PDE3A: variants seen among roughly 807,000 people sequenced by gnomAD.
PDE3A encodes the protein cGMP-inhibited 3',5'-cyclic phosphodiesterase 3A.
In PDE3A, 43 loss-of-function variants were observed where a neutral mutation model predicts 98.3. The observed-to-expected ratio is 0.44, with a 90% CI of 0.34 to 0.56. PDE3A has a LOEUF of 0.56. Ranked by LOEUF, PDE3A falls within the 20% of genes least tolerant of loss-of-function variation. The pLI is 0.01. For synonymous variants in PDE3A, 663 were observed against 567.9 expected, an observed-to-expected ratio of 1.17 and a Z score of -2.38; for missense variants, 1,427 against 1,440.7, an observed-to-expected ratio of 0.99 and a Z score of 0.15.
At chr12:20,424,348 C>T (rs75672050) in intron 1 of PDE3A, among the ~76,000 whole-genome samples, 1 of 152,048 alleles carries the variant, frequency 6.6e-6, no homozygotes. Flanking sequence ...TTCTTTACCT[C>T]CCCACTGCCC....
Position 20,629,953 on chromosome 12 carries a change from C to G in PDE3A, c.1586C>G (p.Pro529Arg), listed in dbSNP as rs763538249. ...CCTCTTTCATCGCCCTGCTCCTCAC[C>G]TCTCCAAGGGACTCCTGCCAGCAGC... ...ISPLSSPCSS[P>R]LQGTPASSLV... Residue 529 changes from proline to arginine, a missense_variant, in exon 6 of 16, where the codon CCT becomes CGT. Physicochemically the swap from Pro to Arg is moderately radical, Grantham distance 103. This residue lies in a region of PDE3A where 1,012 missense variants were observed against 886.5 expected (regional missense o/e 1.14). Transcript: ENST00000359062. 5 of 1,613,910 alleles carry G rather than the reference C, an allele frequency of 3.1e-6. No homozygotes were observed. Among genetic ancestry groups the G allele is most frequent in the African/African-American group, 1.3e-5 (1 of 74,904 alleles).
chr12:20,648,625 T>A, intron 12 of PDE3A, 63 bp from the exon 13 acceptor site: 1 of 1,033,350 alleles, frequency 9.7e-7, no homozygotes. Context: ...GCATTGCATA[T>A]TCTCATGATT....
intron 1 of PDE3A, among the ~76,000 whole-genome samples, chr12:20,402,259 C>A (rs1417121523): frequency 6.6e-6 from 1 of 152,174 alleles, no homozygotes; most frequent in Non-Finnish European, 1.5e-5. Flanking sequence ...AGCAATTCTC[C>A]TGGCTCAGCC....
At chr12:20,457,418 G>C (rs555082477) in intron 1 of PDE3A, among the ~76,000 whole-genome samples, 8 of 151,448 alleles carry the variant, frequency 5.3e-5, no homozygotes, top group African/African-American at 1.9e-4. Context: ...GAAACAAGGC[G>C]TATATGAAAT....
chr12:20,633,368 A>G (rs1944425590), intron 6 of PDE3A, among the ~76,000 whole-genome samples: 1 of 152,178 alleles, frequency 6.6e-6, no homozygotes, highest in Non-Finnish European at 1.5e-5. Context: ...AGTAGGTAGC[A>G]GCCTATACCA....
At chr12:20,650,247 AT>A (rs1306132672) in intron 13 of PDE3A, among the ~76,000 whole-genome samples, 197 bp from the exon 14 acceptor site, 89 of 82,468 alleles carry the variant, frequency 1.1e-3, no homozygotes, top group Non-Finnish European at 1.7e-3. Flanking sequence ...ATAATTCGTT[AT>A]TTTACTTTTT....
At chr12:20,445,483 C>A (rs1242207709) in intron 1 of PDE3A, among the ~76,000 whole-genome samples, 2 of 152,014 alleles carry the variant, frequency 1.3e-5, no homozygotes, top group South Asian at 4.1e-4. Context: ...AAATGGATAT[C>A]GATTATTGCT....
intron 1 of PDE3A, among the ~76,000 whole-genome samples, chr12:20,525,472 G>A (rs966584269): frequency 1.4e-5 from 2 of 147,700 alleles, no homozygotes; most frequent in Admixed American, 6.8e-5. Flanking sequence ...TTGGTTGGGG[G>A]GGGGGGCTTT....
At chr12:20,663,856 ATAT>A (rs1285833776) in intron 15 of PDE3A, among the ~76,000 whole-genome samples, 1 of 152,050 alleles carries the variant, frequency 6.6e-6, no homozygotes, top group African/African-American at 2.4e-5. Context: ...AAATGTGAGG[ATAT>A]TAGTTTTGGG....
intron 6 of PDE3A, among the ~76,000 whole-genome samples, chr12:20,632,949 C>CTTTTT (rs5796876): frequency 1.1e-4 from 11 of 102,110 alleles, no homozygotes; most frequent in African/African-American, 2.0e-4. Flanking sequence ...AATAATGAGG[C>CTTTTT]TTTTTTTTTT....
intron 1 of PDE3A, among the ~76,000 whole-genome samples, chr12:20,422,134 C>G (rs1003893790): frequency 2.0e-5 from 3 of 152,114 alleles, no homozygotes; most frequent in African/African-American, 7.2e-5. Flanking sequence ...ATCACTAGGT[C>G]AGGAGATCGA....
chr12:20,516,073 G>C (rs542051249), intron 1 of PDE3A, among the ~76,000 whole-genome samples: 25 of 151,346 alleles, frequency 1.7e-4, no homozygotes, highest in African/African-American at 5.8e-4. Flanking sequence ...AGTATTCTCT[G>C]GGCAGGAGGC....
chr12:20,413,797 A>G lies in PDE3A; in HGVS notation c.960+43553A>G, dbSNP rs878860255. On this transcript the variant is annotated intron_variant, in intron 1 of 15. Coordinates refer to ENST00000359062, the MANE Select transcript of PDE3A (RefSeq NM_000921.5). Reference sequence around the variant, plus strand: ...CACCTGCATTATGGAGAATGAAATGAAAGGAAGCCAGGAGTAAATGTGGGA... The same window carrying G: ...CACCTGCATTATGGAGAATGAAATGGAAGGAAGCCAGGAGTAAATGTGGGA... 3.9e-5 allele frequency among the ~76,000 whole-genome samples: 6 copies of G among 152,322 alleles called. No individual in the cohort carries two copies. In the South Asian group the frequency reaches 1.0e-3, roughly 26 times the overall value.
chr12:20,504,528 T>C (rs1946080374), intron 1 of PDE3A, among the ~76,000 whole-genome samples: 1 of 152,176 alleles, frequency 6.6e-6, no homozygotes, highest in Non-Finnish European at 1.5e-5. Flanking sequence ...TATATAACTA[T>C]ACAGAACTGT....
intron 1 of PDE3A, among the ~76,000 whole-genome samples, chr12:20,448,134 A>C (rs2120873299): frequency 6.6e-6 from 1 of 152,292 alleles, no homozygotes; most frequent in African/African-American, 2.4e-5. Flanking sequence ...CTCCATTAGT[A>C]ATATTAAGAC....
chr12:20,438,683 C>T (rs970772350), intron 1 of PDE3A, among the ~76,000 whole-genome samples: 1 of 152,018 alleles, frequency 6.6e-6, no homozygotes, highest in African/African-American at 2.4e-5. Context: ...AGAGATGTGC[C>T]TTGCTTCTAG....
At chr12:20,670,522 C>A (rs1180631514) in intron 15 of PDE3A, among the ~76,000 whole-genome samples, 1 of 152,268 alleles carries the variant, frequency 6.6e-6, no homozygotes. Context: ...TGCAATCCAG[C>A]TAGAACTCAG....
chr12:20,478,596 A>G (rs1945569069), intron 1 of PDE3A, among the ~76,000 whole-genome samples: 1 of 152,206 alleles, frequency 6.6e-6, no homozygotes, highest in South Asian at 2.1e-4. Flanking sequence ...AACAAGATTA[A>G]AAACTGCCTG....
chr12:20,369,457 C>G lies in PDE3A; in HGVS notation c.173C>G (p.Ser58Cys). The change falls in exon 1 of 16, where the codon TCT (serine) becomes TGT (cysteine). Residue 58 changes from serine to cysteine, a missense_variant. By Grantham distance (112) the Ser-to-Cys change is moderately radical. Coordinates refer to ENST00000359062, the MANE Select transcript of PDE3A (RefSeq NM_000921.5). The stretch of plus-strand genomic sequence containing the variant: ...CTGGTGCTGCAGCCGCTCCGGAGCT[C>G]TCGGAAACTTTCCTCCGCGCTGTGC... ...GDLVLQPLRS[S>C]RKLSSALCAG... is the part of the protein sequence containing the mutation. 1 of 1,556,234 alleles carries G rather than the reference C, an allele frequency of 6.4e-7. No homozygotes were observed. The highest frequency in any genetic ancestry group is 8.7e-7 in the Non-Finnish European group (1 of 1,150,712).
Sources: gnomAD v4.1 joint callset for allele counts (sites outside exome capture counted in the v4.1 genomes callset) on GRCh38, gnomAD v4.1.1 for gene constraint, gnomAD v4.1.1 regional missense constraint, MANE v1.5 for transcripts, NCBI Gene and HGNC (gene_info 2026-07-23, HGNC 2026-07-21) for gene names.